F8: variants seen among roughly 807,000 people sequenced by gnomAD.
F8 encodes the protein antihemophilic factor.
F8 carries 12 observed loss-of-function variants against 140.6 expected under a neutral mutation model. The ratio of observed to expected loss-of-function variants is 0.09; its 90% confidence interval spans 0.05 to 0.14. The LOEUF (loss-of-function observed/expected upper bound fraction) is 0.14. Among genes scored for constraint, F8 ranks in the 10% least tolerant of loss-of-function variants. The pLI is 1.00. For missense variants in F8, 1,354 were observed against 1,720.7 expected, an observed-to-expected ratio of 0.79 and a Z score of 3.77; for synonymous variants, 585 against 614.6, an observed-to-expected ratio of 0.95 and a Z score of 0.71.
At chrX:154,969,194 C>A in intron 7 of F8, 137 bp downstream of exon 7, 1 of 571,908 alleles carries the variant, frequency 1.7e-6, no homozygotes, top group Non-Finnish European at 2.7e-6. Flanking sequence ...ACTAGGGGAT[C>A]TTGGCTGAGG....
intron 20 of F8, among the ~76,000 whole-genome samples, chrX:154,900,341 C>T (rs1208370340): frequency 9.0e-6 from 1 of 110,721 alleles, no homozygotes; most frequent in Non-Finnish European, 1.9e-5. Context: ...TCAAGCAATT[C>T]TCCTGCCTCA....
intron 6 of F8, among the ~76,000 whole-genome samples, chrX:154,983,168 T>C (rs2073538766): frequency 8.9e-6 from 1 of 112,369 alleles, no homozygotes; most frequent in Non-Finnish European, 1.9e-5. Context: ...TTGACCATTG[T>C]GTTTATAATT....
chrX:154,837,803 C>T lies in F8; in HGVS notation c.6901-51G>A, dbSNP rs1557271075. On this transcript the variant is annotated intron_variant, in intron 25 of 25. Transcript: ENST00000360256. ...TGGTTGTCTGACAGGACAATGGTCA[C>T]TGCAAAGCACAGACGCTTTTCTCAC... 1.4e-5 allele frequency: 16 copies of T among 1,128,583 alleles called. No homozygotes were observed. In the East Asian group the frequency reaches 3.9e-4, roughly 27 times the overall value. The allele number at this position is 1,128,583 out of a possible 1,213,427, so 93.0% of individuals were successfully genotyped here. A position where few individuals can be genotyped will look rare whatever the true frequency, so the allele number is the denominator to read the frequency against.
At chrX:154,951,332 T>C (rs2073336811) in intron 12 of F8, among the ~76,000 whole-genome samples, 1 of 111,855 alleles carries the variant, frequency 8.9e-6, no homozygotes, top group Non-Finnish European at 1.9e-5. Flanking sequence ...ACAAAACACA[T>C]GTGTTTATTC....
At chrX:154,934,264 A>G (rs893285213) in intron 13 of F8, among the ~76,000 whole-genome samples, 3 of 111,894 alleles carry the variant, frequency 2.7e-5, no homozygotes, top group Non-Finnish European at 5.6e-5. Flanking sequence ...AAAGTCCAAG[A>G]AGACATACTT....
Position 154,837,251 on chromosome X carries a change from C to T in F8, c.*346G>A, listed in dbSNP as rs1295437649. 6.3e-5 allele frequency: 16 copies of T among 253,045 alleles called. No homozygotes were observed. The highest frequency in any genetic ancestry group is 4.3e-5 in the Non-Finnish European group (6 of 140,901). 20.9% of individuals were successfully genotyped at this position (253,045 alleles called of 1,213,427 possible). On this transcript the variant is annotated 3_prime_UTR_variant, in exon 26 of 26. Coordinates refer to ENST00000360256, the MANE Select transcript of F8 (RefSeq NM_000132.4). The stretch of plus-strand genomic sequence containing the variant: ...AAATATCTTTTTCAAAGTTTCATCA[C>T]ATAGTTTTTCTACAACAGAGGAAGT...
Position 154,888,380 on chromosome X carries a change from A to ATTTT in F8, c.6429+7693_6429+7696dup, listed in dbSNP as rs782710109. ...ACAACAGCTTTTATTTGTAATAGGG[A>ATTTT]TTTTTTTTTTTTTTTTTTTTTTTTT... On this transcript the variant is annotated intron_variant, in intron 22 of 25. Coordinates refer to ENST00000360256, the MANE Select transcript of F8 (RefSeq NM_000132.4). 3.2e-3 allele frequency among the ~76,000 whole-genome samples: 71 copies of ATTTT among 22,262 alleles called. 8 individuals carry two copies. Among genetic ancestry groups the ATTTT allele is most frequent in the African/African-American group, 0.017 (56 of 3,227 alleles). The allele number at this position is 22,262 out of a possible 115,157, so 19.3% of individuals were successfully genotyped here. A position where few individuals can be genotyped will look rare whatever the true frequency, so the allele number is the denominator to read the frequency against.
At chrX:154,981,267 G>A (rs1557283528) in intron 6 of F8, among the ~76,000 whole-genome samples, 1 of 110,911 alleles carries the variant, frequency 9.0e-6, no homozygotes, top group Non-Finnish European at 1.9e-5. Context: ...CTTGCTCATG[G>A]GTTCAGGTTT....
chrX:154,972,322 T>C (rs958634395), intron 6 of F8, among the ~76,000 whole-genome samples: 2 of 112,064 alleles, frequency 1.8e-5, no homozygotes, highest in Non-Finnish European at 3.8e-5. Flanking sequence ...TAGGTCTCTT[T>C]TGGAGAAATG....
intron 7 of F8, among the ~76,000 whole-genome samples, chrX:154,967,692 C>T (rs1028513558): frequency 8.9e-6 from 1 of 111,874 alleles, no homozygotes; most frequent in Non-Finnish European, 1.9e-5. Context: ...TAAACTGAAT[C>T]GGGGTCCAAC....
At chrX:155,005,988 T>A (rs782641828) in intron 1 of F8, among the ~76,000 whole-genome samples, 2 of 109,021 alleles carry the variant, frequency 1.8e-5, no homozygotes, top group African/African-American at 6.7e-5. Flanking sequence ...ATCCAGAGGA[T>A]CCCCCTCCTA....
rs1557278646 is a variant in F8 at position 154,930,354 on chromosome X, T to C, written c.3436A>G (p.Lys1146Glu). ...SLNSGQGPSPKQLVSLGPEKS... is the reference protein window; with the variant it reads ...SLNSGQGPSPEQLVSLGPEKS... ...TCTGGTCCTAAGGATACTAATTGCT[T>C]TGGACTGGGGCCTTGCCCAGAGTTC... Residue 1146 changes from lysine (K) to glutamate (E), a missense_variant, in exon 14 of 26, where the codon AAG (lysine) becomes GAG (glutamate). By Grantham distance (56) the Lys-to-Glu change is moderately conservative (BLOSUM62 1). Around this residue, in one of 4 missense-constraint regions of F8, gnomAD observed 658 missense variants for 666.5 expected, o/e 0.99. Coordinates refer to ENST00000360256, the MANE Select transcript of F8 (RefSeq NM_000132.4). 8.3e-7 allele frequency: 1 copy of C among 1,210,980 alleles called. No homozygotes were observed. The highest frequency in any genetic ancestry group is 1.8e-5 in the South Asian group (1 of 56,841).
chrX:154,888,380 ATTTTT>A (rs782710109), intron 22 of F8, among the ~76,000 whole-genome samples: 8 of 22,255 alleles, frequency 3.6e-4, no homozygotes, highest in African/African-American at 1.5e-3. Flanking sequence ...TGTAATAGGG[ATTTTT>A]TTTTTTTTTT....
At chrX:155,011,760 A>T (rs1557286589) in intron 1 of F8, among the ~76,000 whole-genome samples, 1 of 112,665 alleles carries the variant, frequency 8.9e-6, no homozygotes, top group Non-Finnish European at 1.9e-5. Context: ...ACAACATGGA[A>T]GATTTTTTTA....
chrX:154,964,354 A>G (rs1557281820), intron 9 of F8, among the ~76,000 whole-genome samples: 1 of 112,335 alleles, frequency 8.9e-6, no homozygotes, highest in Non-Finnish European at 1.9e-5. Flanking sequence ...ATAAAATTAT[A>G]CAATCTTCAA....
At chrX:154,956,741 T>A (rs782584532) in intron 11 of F8, among the ~76,000 whole-genome samples, 1 of 111,683 alleles carries the variant, frequency 9.0e-6, no homozygotes, top group Admixed American at 9.5e-5. Context: ...GAGAGCTAAA[T>A]CCCAGACTGG....
At chrX:154,892,696 A>G (rs2072952103) in intron 22 of F8, among the ~76,000 whole-genome samples, 1 of 112,190 alleles carries the variant, frequency 8.9e-6, no homozygotes, top group East Asian at 2.8e-4. Flanking sequence ...AATTTGTGGA[A>G]GGTTTAATAA....
chrX:154,922,506 T>C (rs1235478385), intron 14 of F8, among the ~76,000 whole-genome samples: 1 of 111,952 alleles, frequency 8.9e-6, no homozygotes, highest in African/African-American at 3.3e-5. Context: ...TCAGAGAAGA[T>C]AGACAATAAA....
intron 13 of F8, among the ~76,000 whole-genome samples, chrX:154,947,321 C>G (rs955714319): frequency 9.3e-6 from 1 of 108,002 alleles, no homozygotes; most frequent in Non-Finnish European, 1.9e-5. Flanking sequence ...AAATGCAAAC[C>G]AAAAGCACAA....
Sources: allele counts gnomAD v4.1 joint callset (sites outside exome capture counted in the v4.1 genomes callset), GRCh38; gene constraint gnomAD v4.1.1; regional missense constraint gnomAD v4.1.1; transcripts MANE v1.5; gene names NCBI Gene and HGNC (gene_info 2026-07-23, HGNC 2026-07-21).